Variants in CNTN3 observed in about 807,000 individuals in gnomAD.
The protein encoded by CNTN3 is contactin-3.
In CNTN3, 60 loss-of-function variants were observed where a neutral mutation model predicts 119.1. The ratio of observed to expected loss-of-function variants is 0.50; its 90% CI spans 0.41 to 0.62. CNTN3 has a LOEUF of 0.62. CNTN3 is among the 20% of genes least tolerant of loss of function. The pLI is 0.00. For synonymous variants in CNTN3, 450 were observed against 438.7 expected, an observed-to-expected ratio of 1.03 and a Z score of -0.32; for missense variants, 1,101 against 1,242.4, an observed-to-expected ratio of 0.89 and a Z score of 1.71.
Position 74,509,136 on chromosome 3 carries a change from C to T in CNTN3, c.56-9351G>A, listed in dbSNP as rs142056101. ...GAGCTATACAGTATGGAACAAAATC[C>T]CTCTTCATTATATATTCTTAGTTAA... On this transcript the variant is annotated intron_variant, in intron 2 of 22. Coordinates refer to ENST00000263665, the MANE Select transcript of CNTN3 (RefSeq NM_020872.3). 2.6e-3 allele frequency among the ~76,000 whole-genome samples: 398 copies of T among 151,988 alleles called. 4 individuals carry two copies. Among genetic ancestry groups the T allele is most frequent in the African/African-American group, 9.0e-3 (372 of 41,442 alleles).
chr3:74,301,201 T>C (rs142567083), intron 16 of CNTN3, among the ~76,000 whole-genome samples, 197 bp downstream of exon 16: 43 of 152,310 alleles, frequency 2.8e-4, no homozygotes, highest in Middle Eastern at 3.4e-3. Flanking sequence ...CTCTTGGAAA[T>C]GTCATACTAC....
chr3:74,312,049 A>T (rs1702696676), intron 13 of CNTN3, among the ~76,000 whole-genome samples: 1 of 152,062 alleles, frequency 6.6e-6, no homozygotes, highest in South Asian at 2.1e-4. Flanking sequence ...AGAGAGTTCT[A>T]CTGGGTCCTC....
At chr3:74,599,711 A>G (rs530154856) in intron 1 of CNTN3, among the ~76,000 whole-genome samples, 1 of 152,114 alleles carries the variant, frequency 6.6e-6, no homozygotes, top group Non-Finnish European at 1.5e-5. Context: ...GGAAATGACT[A>G]ACTGAATGTG....
intron 13 of CNTN3, among the ~76,000 whole-genome samples, chr3:74,304,423 T>C (rs1487167048): frequency 6.6e-6 from 1 of 152,224 alleles, no homozygotes; most frequent in Admixed American, 6.5e-5. Context: ...AGGTTGATTA[T>C]CACTTCTATG....
intron 13 of CNTN3, among the ~76,000 whole-genome samples, chr3:74,324,946 A>G (rs1049112085): frequency 6.6e-6 from 1 of 152,220 alleles, no homozygotes; most frequent in African/African-American, 2.4e-5. Context: ...GCTGTGCTCC[A>G]AAGAATTCTC....
chr3:74,299,074 G>A (rs1387259380), intron 17 of CNTN3, among the ~76,000 whole-genome samples: 1 of 152,026 alleles, frequency 6.6e-6, no homozygotes. Context: ...ACGCATGGTG[G>A]CGCATGCCTG....
intron 4 of CNTN3, among the ~76,000 whole-genome samples, chr3:74,460,598 T>C (rs1176920887): frequency 6.6e-6 from 1 of 151,556 alleles, no homozygotes; most frequent in Non-Finnish European, 1.5e-5. Flanking sequence ...TTCATTATCA[T>C]ATTAAAATAC....
intron 5 of CNTN3, among the ~76,000 whole-genome samples, chr3:74,378,718 A>C (rs1413419033): frequency 6.6e-6 from 1 of 152,218 alleles, no homozygotes; most frequent in Non-Finnish European, 1.5e-5. Flanking sequence ...CATGGTTCGT[A>C]AAGCTTAAAA....
intron 4 of CNTN3, among the ~76,000 whole-genome samples, chr3:74,460,578 T>C (rs116148895): frequency 0.012 from 1,892 of 151,612 alleles, 19 homozygotes; most frequent in Non-Finnish European, 0.02. Flanking sequence ...GTAACTTTGG[T>C]TTCCATCAGT....
At chr3:74,360,584 C>A (rs938446450) in intron 11 of CNTN3, among the ~76,000 whole-genome samples, 1 of 152,130 alleles carries the variant, frequency 6.6e-6, no homozygotes, top group African/African-American at 2.4e-5. Context: ...TGTTCTCTTA[C>A]AGTTCTGGAG....
intron 4 of CNTN3, among the ~76,000 whole-genome samples, chr3:74,440,966 G>C (rs1178888681): frequency 6.6e-6 from 1 of 152,104 alleles, no homozygotes; most frequent in Non-Finnish European, 1.5e-5. Flanking sequence ...TGGTATCCAT[G>C]AGAGTCCTGG....
chr3:74,353,361 G>T (rs1703858659), intron 11 of CNTN3, among the ~76,000 whole-genome samples: 1 of 152,178 alleles, frequency 6.6e-6, no homozygotes, highest in African/African-American at 2.4e-5. Flanking sequence ...CTTCACAAAT[G>T]GCAAAAGTGG....
At chr3:74,434,626 A>G (rs1284156946) in intron 4 of CNTN3, among the ~76,000 whole-genome samples, 1 of 152,234 alleles carries the variant, frequency 6.6e-6, no homozygotes, top group Admixed American at 6.5e-5. Flanking sequence ...CTATTTGAAC[A>G]GGGCATATTA....
intron 20 of CNTN3, among the ~76,000 whole-genome samples, chr3:74,274,224 G>A (rs1288869286): frequency 1.3e-5 from 2 of 151,994 alleles, no homozygotes; most frequent in African/African-American, 2.4e-5. Context: ...ACCCACCCTG[G>A]TAGCTGAACA....
intron 19 of CNTN3, among the ~76,000 whole-genome samples, chr3:74,294,188 G>C (rs949464518): frequency 2.0e-4 from 31 of 152,136 alleles, no homozygotes; most frequent in African/African-American, 6.8e-4. Flanking sequence ...TAAGAAGACA[G>C]CTGTGGGTAG....
chr3:74,431,884 T>C (rs1163888752), intron 4 of CNTN3, among the ~76,000 whole-genome samples: 1 of 152,206 alleles, frequency 6.6e-6, no homozygotes, highest in Non-Finnish European at 1.5e-5. Context: ...GAAATCATTG[T>C]CATTGAAAAC....
chr3:74,553,768 GT>G (rs1322309048), intron 1 of CNTN3, among the ~76,000 whole-genome samples: 15 of 152,116 alleles, frequency 9.9e-5, no homozygotes, highest in South Asian at 2.1e-4. Flanking sequence ...GGGTTGTTTG[GT>G]TTTTTTCTTG....
chr3:74,520,978 T>C (rs1183581723), intron 2 of CNTN3, 80 bp downstream of exon 2: 3 of 730,176 alleles, frequency 4.1e-6, no homozygotes, highest in Non-Finnish European at 4.2e-6. Flanking sequence ...GAGTTTTATT[T>C]CAACATCTAA....
chr3:74,396,640 G>A (rs984704681), intron 5 of CNTN3, among the ~76,000 whole-genome samples: 5 of 151,878 alleles, frequency 3.3e-5, no homozygotes, highest in African/African-American at 1.2e-4. Context: ...CAGCTACTGG[G>A]GAGGCTGAGG....
Sources: allele counts gnomAD v4.1 joint callset (sites outside exome capture counted in the v4.1 genomes callset), GRCh38; gene constraint gnomAD v4.1.1; transcripts MANE v1.5; gene names NCBI Gene and HGNC (gene_info 2026-07-23, HGNC 2026-07-21).